Variants in SLC22A25 observed in about 807,000 individuals in gnomAD.
The protein encoded by SLC22A25 is MGI:2442751, MGI:2385316, MGI:3042283, MGI:3645714, MGI:3605624, MGI:2442750.
A neutral mutation model predicts 45.9 loss-of-function variants in SLC22A25; 44 were observed. The observed-to-expected ratio is 0.96, with a 90% CI of 0.75 to 1.23. The LOEUF is 1.23. SLC22A25 is among the 50% of genes most tolerant of loss of function. The pLI is 0.00. For missense variants in SLC22A25, 800 were observed against 666.4 expected, an observed-to-expected ratio of 1.20 and a Z score of -2.21; for synonymous variants, 283 against 238.6, an observed-to-expected ratio of 1.19 and a Z score of -1.72.
intron 7 of SLC22A25, among the ~76,000 whole-genome samples, chr11:63,217,095 C>T (rs1314012698): frequency 2.6e-5 from 4 of 152,054 alleles, no homozygotes; most frequent in Non-Finnish European, 5.9e-5. Context: ...GGATATTTTT[C>T]AGAAGTATTT....
chr11:63,211,900 A>G (rs1355147767), intron 7 of SLC22A25, among the ~76,000 whole-genome samples: 2 of 152,142 alleles, frequency 1.3e-5, no homozygotes, highest in Admixed American at 6.5e-5. Flanking sequence ...ATGGGAGAAA[A>G]CTTTTGCAAT....
chr11:63,238,516 G>T (rs1241508837), intron 2 of SLC22A25, among the ~76,000 whole-genome samples: 1 of 152,190 alleles, frequency 6.6e-6, no homozygotes, highest in Non-Finnish European at 1.5e-5. Flanking sequence ...CACTATGATA[G>T]CAGTGTACAT....
In SLC22A25 at chr11:63,231,932, C is replaced by T. The variant is rs573321504; in HGVS notation, c.-444-1836G>A. Among the ~76,000 whole-genome samples the T allele has an allele frequency of 3.9e-3, 588 of 152,262 alleles. 5 individuals carry two copies. The highest frequency in any genetic ancestry group is 0.014 in the African/African-American group (564 of 41,546). On this transcript the variant is annotated intron_variant, in intron 3 of 11. Transcript: ENST00000306494. ...TGTTTTTGTCAGGTTTGTCAAAGATCGGATAGTTGTAGATATGTGGCATTA... is the reference window on the plus strand; with the variant it reads ...TGTTTTTGTCAGGTTTGTCAAAGATTGGATAGTTGTAGATATGTGGCATTA...
chr11:63,170,307 T>A (rs2087832580), intron 9 of SLC22A25, among the ~76,000 whole-genome samples: 1 of 150,380 alleles, frequency 6.6e-6, no homozygotes, highest in African/African-American at 2.5e-5. Context: ...AGACAAGAAA[T>A]AACTAAGATG....
At chr11:63,173,668 C>G (rs982906896) in intron 9 of SLC22A25, among the ~76,000 whole-genome samples, 13 of 152,092 alleles carry the variant, frequency 8.5e-5, no homozygotes, top group Non-Finnish European at 1.9e-4. Context: ...AGGCATTTGC[C>G]TGGAAGCTCT....
intron 3 of SLC22A25, among the ~76,000 whole-genome samples, chr11:63,231,438 A>G (rs1353202422): frequency 5.3e-5 from 8 of 152,238 alleles, no homozygotes; most frequent in African/African-American, 1.9e-4. Flanking sequence ...TTTTGACTGC[A>G]TAAATGTCTT....
chr11:63,232,060 G>C (rs1237724050), intron 3 of SLC22A25, among the ~76,000 whole-genome samples: 6 of 152,178 alleles, frequency 3.9e-5, no homozygotes, highest in Non-Finnish European at 5.9e-5. Flanking sequence ...TTGAAGTCAG[G>C]TAGCGTGATG....
chr11:63,225,399 T>C (rs2089940809), intron 5 of SLC22A25, among the ~76,000 whole-genome samples: 1 of 152,208 alleles, frequency 6.6e-6, no homozygotes, highest in African/African-American at 2.4e-5. Context: ...TTGCCAAATA[T>C]AGTATTATAG....
At chr11:63,205,426 A>G (rs572503313) in intron 7 of SLC22A25, among the ~76,000 whole-genome samples, 1 of 152,286 alleles carries the variant, frequency 6.6e-6, no homozygotes, top group Non-Finnish European at 1.5e-5. Flanking sequence ...TACAGAAGAA[A>G]AGAGAGAAGA....
chr11:63,195,539 A>C (rs2088990829), intron 7 of SLC22A25, among the ~76,000 whole-genome samples: 1 of 152,238 alleles, frequency 6.6e-6, no homozygotes, highest in Admixed American at 6.5e-5. Context: ...AGAAATAAAG[A>C]TGTTCTTTGA....
chr11:63,210,292 A>G (rs1051953928), intron 7 of SLC22A25, among the ~76,000 whole-genome samples: 6 of 152,250 alleles, frequency 3.9e-5, no homozygotes, highest in Admixed American at 3.3e-4. Context: ...AGGAAGAAAG[A>G]AAAACCAGAA....
intron 7 of SLC22A25, among the ~76,000 whole-genome samples, chr11:63,214,972 A>G (rs1590882510): frequency 1.3e-5 from 2 of 152,334 alleles, no homozygotes; most frequent in Middle Eastern, 3.4e-3. Flanking sequence ...GAACACTTTT[A>G]CACTGTTGGT....
intron 9 of SLC22A25, chr11:63,167,819 G>C (rs969071425): frequency 8.5e-5 from 18 of 210,994 alleles, no homozygotes; most frequent in Non-Finnish European, 1.2e-4. Context: ...GCTCTGCTAA[G>C]GGATAGACTG....
chr11:63,187,240 C>A (rs1206381519), intron 7 of SLC22A25, among the ~76,000 whole-genome samples: 1 of 152,018 alleles, frequency 6.6e-6, no homozygotes. Flanking sequence ...GTTTGTAGTT[C>A]TCCTTGAAGA....
intron 1 of SLC22A25, among the ~76,000 whole-genome samples, chr11:63,241,476 C>G (rs2090247333): frequency 6.6e-6 from 1 of 152,186 alleles, no homozygotes; most frequent in South Asian, 2.1e-4. Context: ...TTTCCCAGAC[C>G]TCTTTCCTTC....
intron 10 of SLC22A25, among the ~76,000 whole-genome samples, chr11:63,165,199 C>T (rs998909816): frequency 2.0e-5 from 3 of 152,244 alleles, no homozygotes; most frequent in Admixed American, 6.5e-5. Flanking sequence ...ACTTTGGAAA[C>T]AAATGAAGTG....
chr11:63,229,609 C>T lies in SLC22A25; in HGVS notation c.44G>A (p.Arg15Lys), dbSNP rs758024999. Residue 15 changes from arginine (R) to lysine (K), a missense_variant, in exon 4 of 12, where the codon AGA (arginine) becomes AAA (lysine). Physicochemically the swap from Arg to Lys is conservative, Grantham distance 26. Transcript: ENST00000306494. ...GAAAACCATCTGAAGGATCTGGAAT[C>T]TCCCCAGGCCTCCAACTTGATCTAG... ...DLLDQVGGLG[R>K]FQILQMVFLI... The T allele has an allele frequency of 6.2e-7, 1 of 1,610,946 alleles. No homozygotes were observed. The highest frequency in any genetic ancestry group is 8.5e-7 in the Non-Finnish European group (1 of 1,177,308).
At chr11:63,203,200 G>T (rs1253342992) in intron 7 of SLC22A25, among the ~76,000 whole-genome samples, 1 of 152,090 alleles carries the variant, frequency 6.6e-6, no homozygotes. Flanking sequence ...CAAAGATGAA[G>T]AAAAACCAGT....
At chr11:63,207,622 C>T (rs1247710771) in intron 7 of SLC22A25, among the ~76,000 whole-genome samples, 3 of 152,110 alleles carry the variant, frequency 2.0e-5, no homozygotes, top group African/African-American at 7.2e-5. Flanking sequence ...AGAAACTCAG[C>T]TGTATGTAAG....
Sources: gnomAD v4.1 joint callset for allele counts (sites outside exome capture counted in the v4.1 genomes callset) on GRCh38, gnomAD v4.1.1 for gene constraint, MANE v1.5 for transcripts, NCBI Gene and HGNC (gene_info 2026-07-23, HGNC 2026-07-21) for gene names.